TBCEL: variants seen among roughly 807,000 people sequenced by gnomAD.
TBCEL encodes tubulin folding cofactor E like, also known as tubulin-specific chaperone cofactor E-like protein.
TBCEL carries 15 observed loss-of-function variants against 44.2 expected under a neutral mutation model. That is an observed-to-expected ratio of 0.34 (90% confidence interval 0.23 to 0.52). TBCEL has a LOEUF of 0.52. TBCEL is among the 20% of genes least tolerant of loss of function. The probability of loss-of-function intolerance (pLI) is 0.95; values close to 1 mark genes in which losing one functional copy is unlikely to be tolerated. For synonymous variants in TBCEL, 171 were observed against 185.4 expected (o/e 0.92, Z 0.63); for missense variants, 319 against 506.3 (o/e 0.63, Z 3.55).
intron 1 of TBCEL, among the ~76,000 whole-genome samples, chr11:121,033,805 C>T (rs1945183787): frequency 6.6e-6 from 1 of 152,086 alleles, no homozygotes; most frequent in African/African-American, 2.4e-5. Context: ...ATTAATAACT[C>T]TCCACTCCCC....
intron 4 of TBCEL, among the ~76,000 whole-genome samples, chr11:121,049,259 A>T (rs1945486992): frequency 6.6e-6 from 1 of 151,890 alleles, no homozygotes; most frequent in South Asian, 2.1e-4. Flanking sequence ...CTTATCCATA[A>T]GGTAGGCTTG....
At chr11:121,049,008 A>T (rs976405073) in intron 4 of TBCEL, among the ~76,000 whole-genome samples, 2 of 151,860 alleles carry the variant, frequency 1.3e-5, no homozygotes, top group Admixed American at 1.3e-4. Flanking sequence ...CTGTGAAAGG[A>T]TTTATCACAG....
intron 2 of TBCEL, among the ~76,000 whole-genome samples, chr11:121,041,191 T>A (rs1945326484): frequency 6.6e-6 from 1 of 152,212 alleles, no homozygotes; most frequent in African/African-American, 2.4e-5. Context: ...CTGTTTTCAG[T>A]TGTGTTGAGC....
At chr11:121,027,383 G>T (rs1382976019) in intron 1 of TBCEL, among the ~76,000 whole-genome samples, 1 of 152,094 alleles carries the variant, frequency 6.6e-6, no homozygotes, top group Non-Finnish European at 1.5e-5. Context: ...TGCTTGCATA[G>T]CTTCATGAGA....
Position 121,087,324 on chromosome 11 carries a change from T to C in TBCEL, c.*228T>C. 2 of 531,678 alleles carry C rather than the reference T, an allele frequency of 3.8e-6. No homozygotes were observed. The highest frequency in any genetic ancestry group is 4.5e-5 in the South Asian group (2 of 44,782). The allele number at this position is 531,678 out of a possible 1,614,324, so 32.9% of individuals were successfully genotyped here. A position where few individuals can be genotyped will look rare whatever the true frequency, so the allele number is the denominator to read the frequency against. ...CCAGCGGAATTGGCCACATTTCCAG[T>C]GTATGTGCCCTCTCTAAGGAAAGAT... On this transcript the variant is annotated 3_prime_UTR_variant, in exon 9 of 9. Transcript: ENST00000683345.
intron 6 of TBCEL, among the ~76,000 whole-genome samples, chr11:121,057,106 T>C (rs1315764140): frequency 1.3e-5 from 2 of 151,856 alleles, no homozygotes; most frequent in Non-Finnish European, 2.9e-5. Flanking sequence ...AGCTGTTTAT[T>C]TCACCTTGTC....
intron 4 of TBCEL, among the ~76,000 whole-genome samples, chr11:121,052,679 A>G (rs1945549998): frequency 6.6e-6 from 1 of 151,952 alleles, no homozygotes; most frequent in Admixed American, 6.6e-5. Flanking sequence ...TTTTCTGCTT[A>G]TATTTATGAT....
In TBCEL at chr11:121,087,519, A is replaced by C. The variant is rs991386716; in HGVS notation, c.*423A>C. ...AGGAATCTTCACAGGAAGGGCCAGA[A>C]CTTCTCTCTCCCAGTTCTTCCTTCC... On this transcript the variant is annotated 3_prime_UTR_variant, in exon 9 of 9. Coordinates refer to ENST00000683345, the MANE Select transcript of TBCEL (RefSeq NM_001363644.2). The C allele has an allele frequency of 1.9e-5, 3 of 157,084 alleles. No homozygotes were observed. Among genetic ancestry groups the C allele is most frequent in the African/African-American group, 4.8e-5 (2 of 41,472 alleles). The allele number at this position is 157,084 out of a possible 1,614,324, so 9.7% of individuals were successfully genotyped here.
chr11:121,086,378 C>T (rs568174389), intron 8 of TBCEL, among the ~76,000 whole-genome samples: 3 of 152,304 alleles, frequency 2.0e-5, no homozygotes, highest in African/African-American at 7.2e-5. Context: ...AACTGCTGGC[C>T]TCCTTCCATC....
chr11:121,058,679 C>G (rs892306828), intron 7 of TBCEL, among the ~76,000 whole-genome samples: 30 of 151,946 alleles, frequency 2.0e-4, no homozygotes, highest in African/African-American at 7.2e-4. Flanking sequence ...AATTGGGCTG[C>G]TGACACCACT....
At chr11:121,077,828 T>C (rs1946059291) in intron 8 of TBCEL, among the ~76,000 whole-genome samples, 1 of 152,166 alleles carries the variant, frequency 6.6e-6, no homozygotes, top group South Asian at 2.1e-4. Context: ...TTCAGATATT[T>C]TCTAATTTAT....
intron 2 of TBCEL, among the ~76,000 whole-genome samples, chr11:121,041,885 G>T (rs1565493880): frequency 6.8e-6 from 1 of 146,546 alleles, no homozygotes; most frequent in South Asian, 2.2e-4. Context: ...AATGACCAAT[G>T]AAGGTACTTG....
intron 8 of TBCEL, among the ~76,000 whole-genome samples, chr11:121,061,006 A>G (rs565048492): frequency 1.4e-4 from 21 of 152,178 alleles, no homozygotes; most frequent in Middle Eastern, 3.4e-3. Context: ...TTAACATTCT[A>G]TAAGTCTCAA....
At chr11:121,069,789 G>GA (rs367892534) in intron 8 of TBCEL, among the ~76,000 whole-genome samples, 157 of 145,792 alleles carry the variant, frequency 1.1e-3, no homozygotes, top group African/African-American at 2.8e-3. Context: ...TAGACTGTCT[G>GA]AAAAAAAAAA....
rs533583365 is a variant in TBCEL, at chr11:121,056,647, T to A, written c.712+1339T>A. 3.3e-5 allele frequency among the ~76,000 whole-genome samples: 5 copies of A among 152,002 alleles called. No homozygotes were observed. The South Asian group carries it at 6.2e-4, about 19-fold the overall frequency. ...GCTCTACATCCTTACCAGAGTTTGATGTTCTCAGTGTTTTGGATTTTGACT... is the reference window on the plus strand; with the variant it reads ...GCTCTACATCCTTACCAGAGTTTGAAGTTCTCAGTGTTTTGGATTTTGACT... On this transcript the variant is annotated intron_variant, in intron 6 of 8. Transcript: ENST00000683345.
chr11:121,064,602 C>T (rs1456149675), intron 8 of TBCEL, among the ~76,000 whole-genome samples: 1 of 152,122 alleles, frequency 6.6e-6, no homozygotes, highest in Non-Finnish European at 1.5e-5. Flanking sequence ...CTCTTCCATC[C>T]TTCATTAAAT....
chr11:121,074,245 A>G (rs1161556958), intron 8 of TBCEL, among the ~76,000 whole-genome samples: 1 of 152,074 alleles, frequency 6.6e-6, no homozygotes, highest in East Asian at 1.9e-4. Context: ...TGTATACTAC[A>G]AAGTAAGTCT....
intron 7 of TBCEL, among the ~76,000 whole-genome samples, chr11:121,059,724 G>C (rs1945685032): frequency 6.6e-6 from 1 of 151,870 alleles, no homozygotes; most frequent in African/African-American, 2.4e-5. Flanking sequence ...GTGCTGCCTA[G>C]AATCTTGTTG....
At chr11:121,066,222 C>T (rs1945818024) in intron 8 of TBCEL, among the ~76,000 whole-genome samples, 1 of 152,182 alleles carries the variant, frequency 6.6e-6, no homozygotes, top group Non-Finnish European at 1.5e-5. Flanking sequence ...TGCCCTCAGA[C>T]ACTTAAAGCC....
Sources: gnomAD v4.1 joint callset for allele counts (sites outside exome capture counted in the v4.1 genomes callset) on GRCh38, gnomAD v4.1.1 for gene constraint, MANE v1.5 for transcripts, NCBI Gene and HGNC (gene_info 2026-07-23, HGNC 2026-07-21) for gene names.